The following ARMC2 variants were observed in gnomAD, a reference collection of about 807,000 sequenced individuals.
ARMC2 encodes armadillo repeat-containing protein 2.
In ARMC2, 67 loss-of-function variants were observed where a neutral mutation model predicts 90.3. The observed-to-expected ratio is 0.74, with a 90% CI of 0.61 to 0.91. The LOEUF is 0.91. ARMC2 is among the 40% of genes least tolerant of loss of function. The pLI, the probability that ARMC2 is intolerant of heterozygous loss-of-function variation, is 0.00. For synonymous variants in ARMC2, 393 were observed against 393.0 expected (o/e 1.00, Z 0.00); for missense variants, 920 against 1,030.9 (o/e 0.89, Z 1.47).
intron 11 of ARMC2, among the ~76,000 whole-genome samples, chr6:108,936,684 A>G (rs1562407074): frequency 1.3e-5 from 2 of 152,188 alleles, no homozygotes; most frequent in African/African-American, 2.4e-5. Context: ...ACCTACATGT[A>G]AGTTACCTTT....
chr6:109,043,054 T>C, the ARMC2 span, among the ~76,000 whole-genome samples: 2 of 152,140 alleles, frequency 1.3e-5, no homozygotes, highest in Non-Finnish European at 2.9e-5. Context: ...TGAAAATCAA[T>C]GCAATCTACC....
At chr6:108,979,508 C>T in the ARMC2 span, among the ~76,000 whole-genome samples, 1 of 151,990 alleles carries the variant, frequency 6.6e-6, no homozygotes, top group Non-Finnish European at 1.5e-5. Flanking sequence ...TTGTGGTGCT[C>T]TCTGTATTTC....
the ARMC2 span, among the ~76,000 whole-genome samples, chr6:108,996,549 T>C: frequency 1.3e-5 from 2 of 152,136 alleles, no homozygotes; most frequent in Non-Finnish European, 2.9e-5. Context: ...TTAGGAAAGG[T>C]AATTCTTGAT....
intron 5 of ARMC2, among the ~76,000 whole-genome samples, chr6:108,894,128 G>A (rs941703771): frequency 1.3e-5 from 2 of 152,200 alleles, no homozygotes; most frequent in African/African-American, 4.8e-5. Context: ...AGCATTTTGG[G>A]AGGCTGAGGC....
At chr6:108,961,231 C>T (rs186949429) in intron 13 of ARMC2, among the ~76,000 whole-genome samples, 10 of 152,282 alleles carry the variant, frequency 6.6e-5, no homozygotes, top group African/African-American at 2.2e-4. Context: ...ACCCAGAAAA[C>T]AGGCGGGATT....
chr6:109,036,664 G>A, the ARMC2 span, among the ~76,000 whole-genome samples: 9 of 152,138 alleles, frequency 5.9e-5, no homozygotes, highest in African/African-American at 2.2e-4. Context: ...CACTTCACAA[G>A]TAGTTTCTTT....
At chr6:109,009,135 G>A in the ARMC2 span, 2 of 690,234 alleles carry the variant, frequency 2.9e-6, no homozygotes, top group East Asian at 3.6e-5. Context: ...ACGACTCACG[G>A]TGCGCAGGTC....
chr6:109,004,894 T>C, the ARMC2 span, among the ~76,000 whole-genome samples: 4 of 152,308 alleles, frequency 2.6e-5, no homozygotes, highest in South Asian at 2.1e-4. Context: ...ACAGGCTGTA[T>C]TGGAGAAAGG....
chr6:108,955,424 C>T (rs1038694112), intron 13 of ARMC2, among the ~76,000 whole-genome samples: 5 of 152,198 alleles, frequency 3.3e-5, no homozygotes, highest in Non-Finnish European at 5.9e-5. Context: ...TCTGTTACCT[C>T]ACAACAATGT....
At chr6:109,001,990 C>T in the ARMC2 span, among the ~76,000 whole-genome samples, 1 of 152,072 alleles carries the variant, frequency 6.6e-6, no homozygotes, top group Non-Finnish European at 1.5e-5. Context: ...TATGGGCACA[C>T]CTAAACAACA....
the ARMC2 span, among the ~76,000 whole-genome samples, chr6:109,052,982 T>C: frequency 6.6e-6 from 1 of 152,078 alleles, no homozygotes; most frequent in African/African-American, 2.4e-5. Context: ...TTGTAAATGT[T>C]AGGAATAAGA....
At chr6:108,899,157 A>C (rs1347622291) in intron 6 of ARMC2, among the ~76,000 whole-genome samples, 1 of 152,130 alleles carries the variant, frequency 6.6e-6, no homozygotes, top group Admixed American at 6.5e-5. Context: ...TGGAGTTGGG[A>C]TTTGAATTGA....
At position 108,876,317 on chromosome 6, in the gene ARMC2, C is replaced by T. The variant is rs758488547; in HGVS notation, c.638C>T (p.Thr213Ile). The T allele has an allele frequency of 3.1e-6, 5 of 1,612,476 alleles. No homozygotes were observed. In the South Asian group the frequency reaches 4.4e-5, roughly 14 times the overall value. ...AAGGAGCAAGAAATGTTCAAAGGAA[C>T]AACATCTTTACCATCTCATCTCAAG... ...EIKEQEMFKG[T>I]TSLPSHLKNG... The change falls in exon 5 of 18, where the codon ACA (threonine) becomes ATA (isoleucine). Residue 213 changes from threonine to isoleucine, a missense_variant. Transcript: ENST00000392644.
chr6:108,944,353 C>A (rs546605253), intron 12 of ARMC2, among the ~76,000 whole-genome samples: 77 of 152,324 alleles, frequency 5.1e-4, no homozygotes, highest in Non-Finnish European at 9.6e-4. Context: ...GTACATTAGT[C>A]TTTTCCACAA....
At chr6:108,915,906 G>T (rs1773916964) in intron 10 of ARMC2, among the ~76,000 whole-genome samples, 1 of 152,140 alleles carries the variant, frequency 6.6e-6, no homozygotes, top group Non-Finnish European at 1.5e-5. Context: ...GAAAAGTGAT[G>T]GGAGGAGAAC....
chr6:108,927,683 C>T (rs1256224472), intron 10 of ARMC2, among the ~76,000 whole-genome samples: 10 of 142,400 alleles, frequency 7.0e-5, no homozygotes, highest in Admixed American at 2.9e-4. Context: ...AAGCATAGAA[C>T]AATCAGACAA....
the ARMC2 span, chr6:109,008,945 CACAAG>C: frequency 1.0e-6 from 1 of 992,574 alleles, no homozygotes; most frequent in African/African-American, 1.7e-5. Context: ...AATCTGTTTT[CACAAG>C]ACAAGACAAT....
intron 12 of ARMC2, among the ~76,000 whole-genome samples, chr6:108,937,306 G>A (rs1776034124): frequency 6.6e-6 from 1 of 152,038 alleles, no homozygotes; most frequent in South Asian, 2.1e-4. Flanking sequence ...TGGGGTGGGG[G>A]AGGGGGTATA....
chr6:109,039,160 G>A, the ARMC2 span, among the ~76,000 whole-genome samples: 14 of 129,284 alleles, frequency 1.1e-4, no homozygotes, highest in South Asian at 5.7e-4. Context: ...GAAGGAGGAG[G>A]AGGAGAAGAA....
Sources: gnomAD v4.1 joint callset for allele counts (sites outside exome capture counted in the v4.1 genomes callset) on GRCh38, gnomAD v4.1.1 for gene constraint, MANE v1.5 for transcripts, NCBI Gene and HGNC (gene_info 2026-07-23, HGNC 2026-07-21) for gene names.